The following FLG variants were observed in gnomAD, a reference collection of about 807,000 sequenced individuals.
The protein encoded by FLG is epidermal filaggrin.
A neutral mutation model predicts 3.8 loss-of-function variants in FLG; 6 were observed. That is an observed-to-expected ratio of 1.60 (90% CI 0.87 to 3.15). FLG has a LOEUF of 3.15. FLG is among the 30% of genes most tolerant of loss of function. FLG has a pLI of 0.00. For missense variants in FLG, 7,595 were observed against 5,050.9 expected (o/e 1.50, Z -15.27); for synonymous variants, 2,551 against 1,931.6 (o/e 1.32, Z -8.41).
chr1:152,312,994 G>A lies in FLG; in HGVS notation c.1892C>T (p.Ser631Leu). Reference protein sequence around the residue: ...VSQDSDSQGHSEDSERWSGSA... With the variant: ...VSQDSDSQGHLEDSERWSGSA... ...CCCAGACCACCTCTCAGAGTCTTCTGAGTGTCCCTGACTGTCACTGTCCTG... is the reference window on the plus strand; with the variant it reads ...CCCAGACCACCTCTCAGAGTCTTCTAAGTGTCCCTGACTGTCACTGTCCTG... The change falls in exon 3 of 3, where the codon TCA becomes TTA. Residue 631 changes from serine to leucine, a missense_variant. Coordinates refer to ENST00000368799, the MANE Select transcript of FLG (RefSeq NM_002016.2). The A allele has an allele frequency of 6.2e-7, 1 of 1,613,994 alleles. No individual in the cohort carries two copies. The highest frequency in any genetic ancestry group is 1.1e-5 in the South Asian group (1 of 91,080).
chr1:152,319,350 A>G (rs927724421), intron 1 of FLG, among the ~76,000 whole-genome samples: 2 of 149,934 alleles, frequency 1.3e-5, no homozygotes, highest in Non-Finnish European at 3.0e-5. Context: ...GTTTGAAGGT[A>G]TCACAGAGCT....
rs754391618 is a variant in FLG at position 152,313,618 on chromosome 1, C to G, written c.1268G>C (p.Ser423Thr). Residue 423 changes from serine to threonine, a missense_variant, in exon 3 of 3, where the codon AGT becomes ACT. By Grantham distance (58) the Ser-to-Thr change is moderately conservative (BLOSUM62 1). Transcript: ENST00000368799. ...GHRGSSGSQASDSEGHSENSD... is the reference protein window; with the variant it reads ...GHRGSSGSQATDSEGHSENSD... ...GTTTTCTGAATGTCCCTCACTGTCA[C>G]TGGCCTGACTACCGCTAGACCCCCG... The G allele has an allele frequency of 1.2e-6, 2 of 1,614,040 alleles. No individual in the cohort carries two copies. The highest frequency in any genetic ancestry group is 1.7e-5 in the Admixed American group (1 of 60,026).
In FLG at chr1:152,307,417, G is replaced by C; in HGVS notation, c.7469C>G (p.Ser2490Cys). ...QLVDRSGHSG[S>C]HHSHTTSQGR... ...CTGGGATGTGGTGTGGCTGTGATGA[G>C]ACCCTGAGTGTCCAGATCTATCTAC... Residue 2490 changes from serine (S) to cysteine (C), a missense_variant, in exon 3 of 3, where the codon TCT becomes TGT. Coordinates refer to ENST00000368799, the MANE Select transcript of FLG (RefSeq NM_002016.2). 1 of 1,613,288 alleles carries C rather than the reference G, an allele frequency of 6.2e-7. No individual in the cohort carries two copies. Among genetic ancestry groups the C allele is most frequent in the Middle Eastern group, 1.7e-4 (1 of 6,060 alleles).
Position 152,304,497 on chromosome 1 carries a change from A to T in FLG, c.10389T>A (p.His3463Gln), listed in dbSNP as rs1651804913. ...TTCCCTGGGATGTGGTGTGGCTGTG[A>T]TGGGACCCTGAGTGTCCAGACCTAT... ...SVDRSGHSGSHHSHTTSQGRS... is the reference protein window; with the variant it reads ...SVDRSGHSGSQHSHTTSQGRS... The change falls in exon 3 of 3, where the codon CAT (histidine) becomes CAA (glutamine). Residue 3463 changes from histidine to glutamine, a missense_variant. By Grantham distance (24) the His-to-Gln change is conservative. Transcript: ENST00000368799. 32 of 1,612,750 alleles carry T rather than the reference A, an allele frequency of 2.0e-5. No individual in the cohort carries two copies. Among genetic ancestry groups the T allele is most frequent in the Non-Finnish European group, 2.6e-5 (31 of 1,179,670 alleles).
In FLG at chr1:152,310,057, C is replaced by T. The variant is rs148200894; in HGVS notation, c.4829G>A (p.Arg1610Gln). ...SEGHSEDSER[R>Q]SESASRNHYG... ...ATGGTTTCTGGAAGCCGACTCAGAC[C>T]GCCTCTCAGAGTCTTCTGAGTGTCC... The change falls in exon 3 of 3, where the codon CGG (arginine) becomes CAG (glutamine). Residue 1610 changes from arginine (R) to glutamine (Q), a missense_variant. Arg to Gln is a conservative substitution (Grantham distance 43). Coordinates refer to ENST00000368799, the MANE Select transcript of FLG (RefSeq NM_002016.2). 534 of 1,613,376 alleles carry T rather than the reference C, an allele frequency of 3.3e-4. 2 individuals carry two copies. In the African/African-American group the frequency reaches 6.1e-3, roughly 18 times the overall value.
rs780833004 is a variant in FLG, at chr1:152,308,838, G to A, written c.6048C>T (p.Ser2016=). The part of the protein sequence containing the change: ...GSHHQLQSAD[S]SRHSGIGHGQ... ...CATGCCCAATGCCTGAGTGTCTGGA[G>A]CTGTCTGCTGACTGGAGCTGGTGGT... Residue 2016 remains serine (S), a synonymous_variant, in exon 3 of 3, where the codon AGC becomes AGT. Coordinates refer to ENST00000368799, the MANE Select transcript of FLG (RefSeq NM_002016.2). The A allele has an allele frequency of 2.5e-6, 4 of 1,614,082 alleles. No individual in the cohort carries two copies.
At chr1:152,319,782 G>A (rs1489846245) in intron 1 of FLG, among the ~76,000 whole-genome samples, 1 of 151,330 alleles carries the variant, frequency 6.6e-6, no homozygotes, top group Non-Finnish European at 1.5e-5. Context: ...GAAAAACAGA[G>A]CTAATCACCA....
intron 1 of FLG, among the ~76,000 whole-genome samples, chr1:152,317,049 G>C (rs1652810203): frequency 6.6e-6 from 1 of 151,940 alleles, no homozygotes. Flanking sequence ...ACTTTATTTA[G>C]GGTAATAAAC....
In FLG at chr1:152,308,195, A is replaced by T; in HGVS notation, c.6691T>A (p.Ser2231Thr). Residue 2231 changes from serine to threonine, a missense_variant, in exon 3 of 3, where the codon TCA becomes ACA. Coordinates refer to ENST00000368799, the MANE Select transcript of FLG (RefSeq NM_002016.2). The stretch of plus-strand genomic sequence containing the variant: ...CGGGGCCTGCTTGTCCTGGGCCCTG[A>T]TGATTGTCCCTGGCCCACCAGTGAG... ...RHSLVGQGQS[S>T]GPRTSRPRGS... The T allele has an allele frequency of 6.5e-7, 1 of 1,538,390 alleles. No individual in the cohort carries two copies. The highest frequency in any genetic ancestry group is 8.7e-7 in the Non-Finnish European group (1 of 1,154,686).
Position 152,313,463 on chromosome 1 carries a change from G to C in FLG, c.1423C>G (p.His475Asp). Reference sequence around the variant, plus strand: ...CCATGGGCAGAGTCAGGCTGTTCATGAGTGCTCACCTGGTAGAGGGAAGAC... The same window carrying C: ...CCATGGGCAGAGTCAGGCTGTTCATCAGTGCTCACCTGGTAGAGGGAAGAC... ...SGSSLYQVST[H>D]EQPDSAHGRT... Residue 475 changes from histidine (H) to aspartate (D), a missense_variant, in exon 3 of 3, where the codon CAT (histidine) becomes GAT (aspartate). Coordinates refer to ENST00000368799, the MANE Select transcript of FLG (RefSeq NM_002016.2). 6.2e-7 allele frequency: 1 copy of C among 1,613,860 alleles called. No homozygotes were observed. Among genetic ancestry groups the C allele is most frequent in the South Asian group, 1.1e-5 (1 of 91,046 alleles).
At position 152,312,865 on chromosome 1, in the gene FLG, G is replaced by A. The variant is rs767353768; in HGVS notation, c.2021C>T (p.Ala674Val). The A allele has an allele frequency of 6.2e-7, 1 of 1,614,030 alleles. No individual in the cohort carries two copies. Among genetic ancestry groups the A allele is most frequent in the Admixed American group, 1.7e-5 (1 of 60,026 alleles). ...HEDRAGHGHSADSSRKSGTRH... is the reference protein window; with the variant it reads ...HEDRAGHGHSVDSSRKSGTRH... ...AGTGCCTGATTTTCTGGAGCTGTCT[G>A]CAGAGTGCCCATGACCAGCTCTGTC... The change falls in exon 3 of 3, where the codon GCA becomes GTA. Residue 674 changes from alanine to valine, a missense_variant. Coordinates refer to ENST00000368799, the MANE Select transcript of FLG (RefSeq NM_002016.2).
chr1:152,306,325 G>T lies in FLG; in HGVS notation c.8561C>A (p.Ser2854Ter). 1 of 1,602,524 alleles carries T rather than the reference G, an allele frequency of 6.2e-7. No homozygotes were observed. The highest frequency in any genetic ancestry group is 8.5e-7 in the Non-Finnish European group (1 of 1,179,808). The change falls in exon 3 of 3, where the codon TCA becomes TAA. Residue 2854 changes from serine to a stop codon, truncating the protein, a stop_gained. Transcript: ENST00000368799. LOFTEE classifies it low-confidence loss of function (END_TRUNC). ...EEQSGDGSRH[S>*]GSRHHEASTH... ...GGAAGCTTCATGGTGACGCGACCCT[G>T]AGTGCCTGGAGCCGTCTCCTGATTG...
chr1:152,314,601 C>A lies in FLG; in HGVS notation c.285G>T (p.Pro95=), dbSNP rs768672802. The stretch of plus-strand genomic sequence containing the variant: ...GCTTTCTGTGCTTGTGTCCTGATAT[C>A]GGTAAATTCTCTTTTCTGGTAGACT... The part of the protein sequence containing the change: ...YYESTRKENL[P]ISGHKHRKHS... Residue 95 remains proline (P), a synonymous_variant, in exon 3 of 3, where the codon CCG becomes CCT. Coordinates refer to ENST00000368799, the MANE Select transcript of FLG (RefSeq NM_002016.2). 1 of 1,613,794 alleles carries A rather than the reference C, an allele frequency of 6.2e-7. No homozygotes were observed. Among genetic ancestry groups the A allele is most frequent in the Admixed American group, 1.7e-5 (1 of 60,022 alleles).
rs144046718 is a variant in FLG, at chr1:152,303,484, T to A, written c.11402A>T (p.His3801Leu). The change falls in exon 3 of 3, where the codon CAT becomes CTT. Residue 3801 changes from histidine to leucine, a missense_variant. Coordinates refer to ENST00000368799, the MANE Select transcript of FLG (RefSeq NM_002016.2). ...TGCACTTCTGGATCCTGACTGCCCATGGGAGGCATCAGACCTTCCCTGGGA... is the reference window on the plus strand; with the variant it reads ...TGCACTTCTGGATCCTGACTGCCCAAGGGAGGCATCAGACCTTCCCTGGGA... ...TTSQGRSDAS[H>L]GQSGSRSASR... 2.8e-4 allele frequency: 459 copies of A among 1,613,744 alleles called. No individual in the cohort carries two copies. Among genetic ancestry groups the A allele is most frequent in the Non-Finnish European group, 3.7e-4 (440 of 1,179,932 alleles).
Position 152,313,130 on chromosome 1 carries a change from AC to A in FLG, c.1755del (p.Ser586HisfsTer212), listed in dbSNP as rs953566484. The stretch of plus-strand genomic sequence containing the variant: ...TGAGAGGAAGCTTCATGATGACGTG[AC>A]CCTGAGTGCCTGGTGCCGTCTCCTG... ...EQSGDGTRHS[G>X]SRHHEASSQA... On this transcript the variant is annotated frameshift_variant, in exon 3 of 3. Coordinates refer to ENST00000368799, the MANE Select transcript of FLG (RefSeq NM_002016.2). LOFTEE classifies it low-confidence loss of function (END_TRUNC). The A allele has an allele frequency of 2.5e-6, 4 of 1,613,502 alleles. No homozygotes were observed. Among genetic ancestry groups the A allele is most frequent in the Non-Finnish European group, 3.4e-6 (4 of 1,179,920 alleles).
At position 152,309,569 on chromosome 1, in the gene FLG, C is replaced by A; in HGVS notation, c.5317G>T (p.Glu1773Ter). 2 of 1,613,932 alleles carry A rather than the reference C, an allele frequency of 1.2e-6. No individual in the cohort carries two copies. Among genetic ancestry groups the A allele is most frequent in the Non-Finnish European group, 1.7e-6 (2 of 1,179,982 alleles). The change falls in exon 3 of 3, where the codon GAA (glutamate) becomes TAA (stop). Residue 1773 changes from glutamate to a stop codon, truncating the protein, a stop_gained. Transcript: ENST00000368799. LOFTEE classifies it low-confidence loss of function (END_TRUNC). Reference sequence around the variant, plus strand: ...CGTCCATGGGCGGACTCAGACTGTTCATGAGTGCTCACCTGGTAGAGGAAA... The same window carrying A: ...CGTCCATGGGCGGACTCAGACTGTTAATGAGTGCTCACCTGGTAGAGGAAA... ...GSFLYQVSTHEQSESAHGRTG... is the reference protein window; with the variant it reads ...GSFLYQVSTH
chr1:152,318,055 T>C (rs987744480), intron 1 of FLG, among the ~76,000 whole-genome samples: 5 of 151,962 alleles, frequency 3.3e-5, no homozygotes, highest in Non-Finnish European at 7.4e-5. Flanking sequence ...TAGTTTATTT[T>C]TATCACCACA....
intron 1 of FLG, among the ~76,000 whole-genome samples, chr1:152,323,272 T>G (rs1020044707): frequency 2.6e-5 from 4 of 151,698 alleles, no homozygotes; most frequent in African/African-American, 9.7e-5. Context: ...CAAAAAGTAC[T>G]AATTAATAAG....
chr1:152,309,785 G>A lies in FLG; in HGVS notation c.5101C>T (p.Gln1701Ter), dbSNP rs145738429. 33 of 1,613,900 alleles carry A rather than the reference G, an allele frequency of 2.0e-5. No individual in the cohort carries two copies. In the East Asian group the frequency reaches 6.7e-4, roughly 33 times the overall value. The change falls in exon 3 of 3, where the codon CAA (glutamine) becomes TAA (stop). Residue 1701 changes from glutamine (Q) to a stop codon, truncating the protein, a stop_gained. Transcript: ENST00000368799. LOFTEE classifies it low-confidence loss of function (END_TRUNC). Reference sequence around the variant, plus strand: ...CTGTCTCCGACTACAGATGAATCTTGTCTGCGCCCAGTGCCTGAGTCTGTG... The same window carrying A: ...CTGTCTCCGACTACAGATGAATCTTATCTGCGCCCAGTGCCTGAGTCTGTG... ...SSTDSGTGRRQDSSVVGDSGN... is the reference protein window; with the variant it reads ...SSTDSGTGRR
Sources: gnomAD v4.1 joint callset for allele counts (sites outside exome capture counted in the v4.1 genomes callset) on GRCh38, gnomAD v4.1.1 for gene constraint, MANE v1.5 for transcripts, NCBI Gene and HGNC (gene_info 2026-07-23, HGNC 2026-07-21) for gene names.